Variants in RBFOX1 observed in about 807,000 individuals in gnomAD.
The protein encoded by RBFOX1 is RNA binding protein fox-1 homolog 1.
RBFOX1 carries 8 observed loss-of-function variants against 57.7 expected under a neutral mutation model. The observed-to-expected ratio is 0.14, with a 90% CI of 0.08 to 0.25. The LOEUF (loss-of-function observed/expected upper bound fraction) is 0.25. RBFOX1 is among the 10% of genes least tolerant of loss of function. The pLI is 1.00. For synonymous variants in RBFOX1, 326 were observed against 222.4 expected (o/e 1.47, Z -4.15); for missense variants, 611 against 548.5 (o/e 1.11, Z -1.14).
chr16:5,260,483 G>A (rs1160766309), intron 1 of RBFOX1, among the ~76,000 whole-genome samples: 1 of 152,170 alleles, frequency 6.6e-6, no homozygotes, highest in African/African-American at 2.4e-5. Context: ...AAATGGAAGT[G>A]AAACTGAAGG....
intron 4 of RBFOX1, among the ~76,000 whole-genome samples, chr16:7,487,334 A>G (rs1001403127): frequency 6.6e-6 from 1 of 151,888 alleles, no homozygotes; most frequent in Non-Finnish European, 1.5e-5. Flanking sequence ...ACGCCCTCAT[A>G]CTCATCACAT....
chr16:7,402,754 C>G (rs558407502), intron 4 of RBFOX1, among the ~76,000 whole-genome samples: 1 of 152,222 alleles, frequency 6.6e-6, no homozygotes, highest in East Asian at 1.9e-4. Context: ...AGGGTGCCCC[C>G]CTCCTTAATC....
At chr16:6,875,959 C>A (rs1024259445) in intron 3 of RBFOX1, among the ~76,000 whole-genome samples, 2 of 152,040 alleles carry the variant, frequency 1.3e-5, no homozygotes, top group South Asian at 4.2e-4. Flanking sequence ...AATTATGTCA[C>A]TGCACTTCAG....
chr16:5,715,478 T>C (rs1196595831), intron 3 of RBFOX1, among the ~76,000 whole-genome samples: 1 of 152,254 alleles, frequency 6.6e-6, no homozygotes, highest in Non-Finnish European at 1.5e-5. Flanking sequence ...GAGATACACA[T>C]ACATCATGAA....
rs71142623 is a variant in RBFOX1, at chr16:5,447,378, ATCTC to A, written c.220-19809_220-19806del. On this transcript the variant is annotated intron_variant, in intron 1 of 2. Transcript: ENST00000585867. ...TCATTCAATGTCAATCAATCAATCA[ATCTC>A]TCTCTCTCTCTCTCTCTCTCTCTCT... 3.3e-3 allele frequency among the ~76,000 whole-genome samples: 443 copies of A among 134,280 alleles called. 2 individuals are homozygous for A. Among genetic ancestry groups the A allele is most frequent in the Middle Eastern group, 0.011 (3 of 270 alleles). The allele number at this position is 134,280 out of a possible 152,430, so 88.1% of individuals were successfully genotyped here.
At chr16:6,067,997 C>T (rs2095788880) in intron 1 of RBFOX1, among the ~76,000 whole-genome samples, 1 of 152,160 alleles carries the variant, frequency 6.6e-6, no homozygotes, top group Non-Finnish European at 1.5e-5. Flanking sequence ...AGGGAAAACA[C>T]AGTCTTTCTA....
intron 1 of RBFOX1, among the ~76,000 whole-genome samples, chr16:5,294,302 T>C (rs927975244): frequency 1.3e-5 from 2 of 152,130 alleles, no homozygotes; most frequent in African/African-American, 4.8e-5. Context: ...CAAGAGATTC[T>C]GTAGTAATTG....
chr16:6,509,002 A>C (rs1255463904), intron 2 of RBFOX1, among the ~76,000 whole-genome samples: 1 of 152,206 alleles, frequency 6.6e-6, no homozygotes, highest in African/African-American at 2.4e-5. Flanking sequence ...TTTAATTTTA[A>C]TGGCAGTTAA....
At position 7,003,264 on chromosome 16, in the gene RBFOX1, T is replaced by TC. The variant is rs1568322224; in HGVS notation, c.-15-48791dup. Among the ~76,000 whole-genome samples, 5 of 151,876 alleles carry TC rather than the reference T, an allele frequency of 3.3e-5. No homozygotes were observed. The South Asian group carries it at 8.4e-4, about 25-fold the overall frequency. On this transcript the variant is annotated intron_variant, in intron 3 of 15. Transcript: ENST00000550418. Reference sequence around the variant, plus strand: ...TCACAAGGTCAGCAGATCAAGACCATCCTGGCCAACATGGTGAAACCCCCG... The same window carrying TC: ...TCACAAGGTCAGCAGATCAAGACCATCCCTGGCCAACATGGTGAAACCCCCG...
At chr16:6,775,528 T>C (rs997744471) in intron 3 of RBFOX1, among the ~76,000 whole-genome samples, 2 of 152,102 alleles carry the variant, frequency 1.3e-5, no homozygotes, top group African/African-American at 4.8e-5. Flanking sequence ...AATTATATCA[T>C]GGAACCAGTT....
intron 4 of RBFOX1, among the ~76,000 whole-genome samples, chr16:7,166,558 A>T (rs943540397): frequency 1.3e-5 from 2 of 152,240 alleles, no homozygotes; most frequent in Non-Finnish European, 2.9e-5. Context: ...TGGCCAGAGC[A>T]TGGTTAAGGA....
chr16:6,761,525 T>TTTTTTTTTTTTTTTTTTTTTC (rs2076597790), intron 3 of RBFOX1, among the ~76,000 whole-genome samples: 1 of 140,772 alleles, frequency 7.1e-6, no homozygotes. Context: ...TTTTTTTTTT[T>TTTTTTTTTTTTTTTTTTTTTC]GAGACAGAGT....
chr16:5,530,964 A>G (rs2044452252), intron 2 of RBFOX1, among the ~76,000 whole-genome samples: 1 of 94,380 alleles, frequency 1.1e-5, no homozygotes, highest in East Asian at 3.3e-4. Context: ...AAAAAAAAAA[A>G]AAAAAAAAAA....
At chr16:7,702,188 T>G (rs760488672) in intron 14 of RBFOX1, among the ~76,000 whole-genome samples, 2 of 152,196 alleles carry the variant, frequency 1.3e-5, no homozygotes, top group African/African-American at 2.4e-5. Flanking sequence ...AGATTTTGGT[T>G]GTGTGGTAAA....
intron 4 of RBFOX1, among the ~76,000 whole-genome samples, chr16:5,957,239 G>A (rs2059661229): frequency 6.6e-6 from 1 of 151,764 alleles, no homozygotes; most frequent in African/African-American, 2.4e-5. Context: ...TTTTGAGACA[G>A]AGTCTTGGTC....
chr16:5,355,259 T>G (rs569508185), intron 1 of RBFOX1, among the ~76,000 whole-genome samples: 5 of 152,216 alleles, frequency 3.3e-5, no homozygotes, highest in Admixed American at 3.3e-4. Context: ...GATGGCACAC[T>G]TAGAGCAGGA....
intron 2 of RBFOX1, among the ~76,000 whole-genome samples, chr16:6,467,312 T>A (rs1001041074): frequency 6.6e-6 from 1 of 151,940 alleles, no homozygotes; most frequent in Non-Finnish European, 1.5e-5. Flanking sequence ...ATATGTATTA[T>A]GTGGGTTAAC....
chr16:6,677,185 C>T (rs192227421), intron 3 of RBFOX1, among the ~76,000 whole-genome samples: 11 of 152,222 alleles, frequency 7.2e-5, no homozygotes, highest in Admixed American at 2.0e-4. Flanking sequence ...GTACCAAGTT[C>T]ACATAATGAG....
At chr16:6,768,152 G>T (rs1405451023) in intron 3 of RBFOX1, among the ~76,000 whole-genome samples, 1 of 151,812 alleles carries the variant, frequency 6.6e-6, no homozygotes, top group Non-Finnish European at 1.5e-5. Flanking sequence ...AGCAGAGATT[G>T]TAACACTGCA....
Sources: allele counts gnomAD v4.1 joint callset (sites outside exome capture counted in the v4.1 genomes callset), GRCh38; gene constraint gnomAD v4.1.1; transcripts MANE v1.5; gene names NCBI Gene and HGNC (gene_info 2026-07-23, HGNC 2026-07-21).